Variants in XKR4 observed in about 807,000 individuals in gnomAD.
XKR4 encodes XK-related protein 4.
A neutral mutation model predicts 53.9 loss-of-function variants in XKR4; 12 were observed. That is an observed-to-expected ratio of 0.22 (90% CI 0.14 to 0.36). The LOEUF (loss-of-function observed/expected upper bound fraction) is 0.36, where lower values mean the gene tolerates loss of function less well. XKR4 is among the 10% of genes least tolerant of loss of function. XKR4 has a pLI of 1.00. For synonymous variants in XKR4, 354 were observed against 362.4 expected (o/e 0.98, Z 0.26); for missense variants, 799 against 859.5 (o/e 0.93, Z 0.88).
At chr8:55,418,501 T>C (rs993679559) in intron 2 of XKR4, among the ~76,000 whole-genome samples, 1 of 152,176 alleles carries the variant, frequency 6.6e-6, no homozygotes, top group African/African-American at 2.4e-5. Context: ...TCTCACCCCC[T>C]CCGCTGCCCT....
intron 2 of XKR4, among the ~76,000 whole-genome samples, chr8:55,495,581 G>A (rs376563261): frequency 2.6e-5 from 4 of 152,186 alleles, no homozygotes; most frequent in African/African-American, 9.7e-5. Context: ...GGGCTCCAGG[G>A]GGCCTCCCAG....
chr8:55,501,864 G>T (rs1304279020), intron 2 of XKR4, among the ~76,000 whole-genome samples: 1 of 152,034 alleles, frequency 6.6e-6, no homozygotes. Context: ...TATCCACGGG[G>T]GACTGGTCCC....
intron 2 of XKR4, among the ~76,000 whole-genome samples, chr8:55,499,729 A>G (rs1806407536): frequency 1.3e-5 from 2 of 152,118 alleles, no homozygotes; most frequent in Admixed American, 6.5e-5. Flanking sequence ...TAATAATACT[A>G]ATTTGGTCTT....
At chr8:55,135,932 TC>T (rs1816622664) in intron 1 of XKR4, among the ~76,000 whole-genome samples, 1 of 151,298 alleles carries the variant, frequency 6.6e-6, no homozygotes, top group Non-Finnish European at 1.5e-5. Context: ...TCTCGCTCTG[TC>T]CCCAGGCTGG....
chr8:55,151,991 A>AT (rs1423540997), intron 1 of XKR4, among the ~76,000 whole-genome samples: 2 of 152,240 alleles, frequency 1.3e-5, no homozygotes, highest in East Asian at 3.9e-4. Flanking sequence ...TAGAAATGTA[A>AT]TTGCTGGGTG....
intron 1 of XKR4, among the ~76,000 whole-genome samples, chr8:55,272,543 C>T (rs150188339): frequency 6.6e-6 from 1 of 152,286 alleles, no homozygotes; most frequent in East Asian, 1.9e-4. Context: ...ACGGCCTCAG[C>T]ACTTCATACC....
intron 1 of XKR4, among the ~76,000 whole-genome samples, chr8:55,224,932 T>C: frequency 6.6e-6 from 1 of 152,226 alleles, no homozygotes; most frequent in East Asian, 1.9e-4. Flanking sequence ...ACGTTAAGAA[T>C]AAGAATTAGG....
intron 1 of XKR4, among the ~76,000 whole-genome samples, chr8:55,190,280 G>C (rs16921354): frequency 0.029 from 4,388 of 152,260 alleles, 218 homozygotes; most frequent in African/African-American, 0.098. Context: ...TGTGCCTAAC[G>C]ATACAGGGCA....
intron 1 of XKR4, among the ~76,000 whole-genome samples, chr8:55,106,483 G>A (rs545574176): frequency 1.8e-4 from 27 of 152,266 alleles, no homozygotes; most frequent in African/African-American, 5.5e-4. Context: ...TAAAGGAACT[G>A]TGCCTGTGAA....
chr8:55,506,300 A>G (rs1563368915), intron 2 of XKR4, among the ~76,000 whole-genome samples: 2 of 152,258 alleles, frequency 1.3e-5, no homozygotes. Flanking sequence ...CTAGAGATCA[A>G]ATAGATAGGC....
rs1805452370 is a variant in XKR4 at position 55,451,810 on chromosome 8, C to A, written c.1007-71471C>A. 4.8e-5 allele frequency: 48 copies of A among 993,332 alleles called. 2 individuals are homozygous for A. In the South Asian group the frequency reaches 6.4e-4, roughly 13 times the overall value. The allele number at this position is 993,332 out of a possible 1,614,324, so 61.5% of individuals were successfully genotyped here. ...GCACTGATAGTCGCGGCAGCAAGCC[C>A]TTTCCACCAGGAGGCTGCTCATGGT... On this transcript the variant is annotated intron_variant, in intron 2 of 2. Transcript: ENST00000327381.
chr8:55,509,977 C>A (rs913280573), intron 2 of XKR4, among the ~76,000 whole-genome samples: 1 of 152,172 alleles, frequency 6.6e-6, no homozygotes, highest in Non-Finnish European at 1.5e-5. Context: ...CTTTACAAAG[C>A]ACTTCCACAG....
chr8:55,170,871 G>A (rs576863395), intron 1 of XKR4, among the ~76,000 whole-genome samples: 1 of 152,242 alleles, frequency 6.6e-6, no homozygotes, highest in African/African-American at 2.4e-5. Flanking sequence ...TGAGCTGCAC[G>A]GCTCCTAGTC....
chr8:55,443,817 G>A (rs1200180466), intron 2 of XKR4, among the ~76,000 whole-genome samples: 1 of 142,484 alleles, frequency 7.0e-6, no homozygotes, highest in Non-Finnish European at 1.5e-5. Context: ...CTCTAGCCTG[G>A]TGACAGAGTA....
At chr8:55,279,655 C>G (rs1464125506) in intron 1 of XKR4, among the ~76,000 whole-genome samples, 1 of 152,204 alleles carries the variant, frequency 6.6e-6, no homozygotes, top group Non-Finnish European at 1.5e-5. Context: ...ATGTGGACCA[C>G]CTCTTCCAAT....
Position 55,496,168 on chromosome 8 carries a change from G to A in XKR4, c.1007-27113G>A, listed in dbSNP as rs74526994. ...ATAGTAATGAGGGCAATAAGTACTCGCATACTGAGTGGAGGGAGCTGTTCG... is the reference window on the plus strand; with the variant it reads ...ATAGTAATGAGGGCAATAAGTACTCACATACTGAGTGGAGGGAGCTGTTCG... On this transcript the variant is annotated intron_variant, in intron 2 of 2. Transcript: ENST00000327381. Among the ~76,000 whole-genome samples the A allele has an allele frequency of 3.0e-3, 453 of 152,250 alleles. 12 individuals are homozygous for A. The East Asian group carries it at 0.061, about 20-fold the overall frequency.
chr8:55,468,965 C>T (rs1405936790), intron 2 of XKR4, among the ~76,000 whole-genome samples: 2 of 152,102 alleles, frequency 1.3e-5, no homozygotes, highest in Non-Finnish European at 2.9e-5. Context: ...CAAACTCTTG[C>T]TATCCCTCTC....
chr8:55,440,582 T>C (rs1221922228), intron 2 of XKR4, among the ~76,000 whole-genome samples: 1 of 131,202 alleles, frequency 7.6e-6, no homozygotes, highest in African/African-American at 3.3e-5. Flanking sequence ...ATAGAGTGTA[T>C]AACTTCCAAA....
At chr8:55,211,932 T>A (rs577618113) in intron 1 of XKR4, among the ~76,000 whole-genome samples, 1 of 152,258 alleles carries the variant, frequency 6.6e-6, no homozygotes, top group East Asian at 1.9e-4. Context: ...TAGGGAGACA[T>A]AAGACATCAG....
Sources: gnomAD v4.1 joint callset for allele counts (sites outside exome capture counted in the v4.1 genomes callset) on GRCh38, gnomAD v4.1.1 for gene constraint, MANE v1.5 for transcripts, NCBI Gene and HGNC (gene_info 2026-07-23, HGNC 2026-07-21) for gene names.